The following DLG2 variants were observed in gnomAD, a reference collection of about 807,000 sequenced individuals.
DLG2 encodes the protein disks large homolog 2.
In DLG2, 45 loss-of-function variants were observed where a neutral mutation model predicts 132.5. The observed-to-expected ratio is 0.34, with a 90% CI of 0.27 to 0.44. DLG2 has a LOEUF of 0.44. DLG2 is among the 20% of genes least tolerant of loss of function. The probability of loss-of-function intolerance (pLI) is 1.00; values close to 1 mark genes in which losing one functional copy is unlikely to be tolerated. For synonymous variants in DLG2, 424 were observed against 419.6 expected (o/e 1.01, Z -0.13); for missense variants, 1,045 against 1,196.9 (o/e 0.87, Z 1.87).
intron 18 of DLG2, among the ~76,000 whole-genome samples, chr11:83,696,698 A>G (rs968781763): frequency 6.6e-6 from 1 of 152,230 alleles, no homozygotes; most frequent in Non-Finnish European, 1.5e-5. Context: ...GAGGCAGCCT[A>G]TGATTAATTC....
intron 3 of DLG2, among the ~76,000 whole-genome samples, chr11:85,420,772 G>A (rs765477096): frequency 6.6e-6 from 1 of 152,152 alleles, no homozygotes; most frequent in African/African-American, 2.4e-5. Context: ...CAGTAATGGT[G>A]GATGCCCCTC....
chr11:85,307,010 C>T (rs2079993543), intron 3 of DLG2, among the ~76,000 whole-genome samples: 1 of 152,132 alleles, frequency 6.6e-6, no homozygotes, highest in African/African-American at 2.4e-5. Flanking sequence ...AGAAGAAATG[C>T]AAAGGCTGCA....
rs117252741 is a variant in DLG2 at position 84,821,960 on chromosome 11, A to C, written c.358-287229T>G. ...GATGACTATTTGATGAAAAATTCAA[A>C]ATATCCTATAAAAAATTCACTGCCA... On this transcript the variant is annotated intron_variant, in intron 6 of 27. Coordinates refer to ENST00000376104, the MANE Select transcript of DLG2 (RefSeq NM_001142699.3). Among the ~76,000 whole-genome samples the C allele has an allele frequency of 1.1e-3, 171 of 150,282 alleles. 2 individuals carry two copies. The East Asian group carries it at 0.032, about 28-fold the overall frequency.
intron 7 of DLG2, among the ~76,000 whole-genome samples, chr11:84,319,360 C>A (rs1437020124): frequency 6.6e-6 from 1 of 152,192 alleles, no homozygotes; most frequent in African/African-American, 2.4e-5. Flanking sequence ...CCAATGCCAT[C>A]ACTCTCAAAT....
chr11:85,114,285 A>G (rs1388787304), intron 5 of DLG2, among the ~76,000 whole-genome samples: 1 of 151,994 alleles, frequency 6.6e-6, no homozygotes, highest in Non-Finnish European at 1.5e-5. Context: ...GCCCAGCTAG[A>G]ACCAGAATAA....
chr11:83,555,069 G>A (rs188652569), intron 19 of DLG2, among the ~76,000 whole-genome samples: 5 of 152,372 alleles, frequency 3.3e-5, no homozygotes, highest in Admixed American at 2.0e-4. Flanking sequence ...AACTATTCTG[G>A]AGGGACCAGG....
chr11:84,561,050 C>T (rs576476537), intron 6 of DLG2, among the ~76,000 whole-genome samples: 1 of 152,154 alleles, frequency 6.6e-6, no homozygotes, highest in East Asian at 1.9e-4. Context: ...TAAGTGACTA[C>T]TGACTACTTA....
chr11:84,169,548 T>G (rs1227328143), intron 8 of DLG2, among the ~76,000 whole-genome samples: 2 of 152,176 alleles, frequency 1.3e-5, no homozygotes, highest in Non-Finnish European at 2.9e-5. Context: ...TACCTTAGCT[T>G]TTGTTCTCAA....
intron 6 of DLG2, among the ~76,000 whole-genome samples, chr11:84,912,504 G>T (rs566566761): frequency 2.6e-5 from 4 of 152,228 alleles, no homozygotes; most frequent in South Asian, 2.1e-4. Context: ...CATATATCTG[G>T]GGCTTTTTTT....
At chr11:84,111,933 T>TCTATTTC (rs2093369071) in intron 9 of DLG2, among the ~76,000 whole-genome samples, 1 of 152,198 alleles carries the variant, frequency 6.6e-6, no homozygotes, top group African/African-American at 2.4e-5. Flanking sequence ...TTCCACTGCC[T>TCTATTTC]CTATTTCCTC....
At chr11:83,483,544 T>A (rs1419365737) in intron 22 of DLG2, among the ~76,000 whole-genome samples, 1 of 152,018 alleles carries the variant, frequency 6.6e-6, no homozygotes, top group African/African-American at 2.4e-5. Context: ...GAAAAAAAAA[T>A]TCAGCAAATG....
intron 13 of DLG2, among the ~76,000 whole-genome samples, chr11:83,963,996 C>G (rs1359039091): frequency 6.6e-6 from 1 of 151,984 alleles, no homozygotes; most frequent in East Asian, 1.9e-4. Context: ...ATGCATACCT[C>G]TTATTCTGCC....
intron 4 of DLG2, among the ~76,000 whole-genome samples, chr11:85,187,431 C>G (rs1465239433): frequency 2.6e-5 from 4 of 151,942 alleles, no homozygotes; most frequent in Non-Finnish European, 5.9e-5. Flanking sequence ...AGGGAACTGC[C>G]AATTCTGCTT....
At chr11:84,468,649 C>T (rs1567714465) in intron 7 of DLG2, among the ~76,000 whole-genome samples, 1 of 151,574 alleles carries the variant, frequency 6.6e-6, no homozygotes, top group South Asian at 2.1e-4. Flanking sequence ...TGGGATTTAA[C>T]CAAGACATGC....
At chr11:84,277,716 T>A (rs1292089367) in intron 7 of DLG2, among the ~76,000 whole-genome samples, 1 of 151,838 alleles carries the variant, frequency 6.6e-6, no homozygotes, top group Non-Finnish European at 1.5e-5. Flanking sequence ...AAATAAAAAA[T>A]AACAGCACAG....
intron 7 of DLG2, among the ~76,000 whole-genome samples, chr11:84,293,164 G>A (rs759552980): frequency 6.6e-6 from 1 of 151,902 alleles, no homozygotes; most frequent in Non-Finnish European, 1.5e-5. Context: ...GTGTGGGGCG[G>A]GTGGTGTGTG....
At chr11:84,664,845 G>A (rs2099698280) in intron 6 of DLG2, among the ~76,000 whole-genome samples, 1 of 152,072 alleles carries the variant, frequency 6.6e-6, no homozygotes, top group South Asian at 2.1e-4. Flanking sequence ...TTCTGTTTAT[G>A]ATTGTTAACA....
chr11:85,395,687 G>A (rs911094537), intron 3 of DLG2, among the ~76,000 whole-genome samples: 2 of 151,006 alleles, frequency 1.3e-5, no homozygotes, highest in Non-Finnish European at 3.0e-5. Context: ...CTGCAATGCT[G>A]CAGCTTGACA....
intron 19 of DLG2, among the ~76,000 whole-genome samples, chr11:83,604,908 G>A (rs1006134872): frequency 1.3e-5 from 2 of 152,230 alleles, no homozygotes; most frequent in South Asian, 4.1e-4. Context: ...TTTGGACTAA[G>A]CTCCTGCACT....
Sources: gnomAD v4.1 joint callset for allele counts (sites outside exome capture counted in the v4.1 genomes callset) on GRCh38, gnomAD v4.1.1 for gene constraint, MANE v1.5 for transcripts, NCBI Gene and HGNC (gene_info 2026-07-23, HGNC 2026-07-21) for gene names.